The following MMP26 variants were observed in gnomAD, a reference collection of about 807,000 sequenced individuals.
MMP26 encodes the protein matrix metallopeptidase 26.
In MMP26, 33 loss-of-function variants were observed where a neutral mutation model predicts 31.0. That is an observed-to-expected ratio of 1.06 (90% CI 0.81 to 1.42). The LOEUF (loss-of-function observed/expected upper bound fraction) is 1.42, where lower values mean the gene tolerates loss of function less well. Ranked by LOEUF, MMP26 falls within the 40% of genes most tolerant of loss-of-function variation. The pLI is 0.00. For synonymous variants in MMP26, 122 were observed against 114.9 expected (o/e 1.06, Z -0.40); for missense variants, 347 against 316.1 (o/e 1.10, Z -0.74).
chr11:4,880,704 A>G (rs1296252456), intron 2 of MMP26, among the ~76,000 whole-genome samples: 1 of 152,176 alleles, frequency 6.6e-6, no homozygotes, highest in African/African-American at 2.4e-5. Flanking sequence ...TAAATTACCA[A>G]TATCAGTTGT....
intron 1 of MMP26, chr11:4,723,124 G>A (rs555279002): frequency 1.9e-6 from 3 of 1,580,174 alleles, no homozygotes; most frequent in Middle Eastern, 1.9e-4. Flanking sequence ...CCTCCAGCTC[G>A]GACAGCTTGG....
chr11:4,930,979 T>C (rs1018906754), intron 2 of MMP26, among the ~76,000 whole-genome samples: 2 of 152,002 alleles, frequency 1.3e-5, no homozygotes, highest in African/African-American at 4.8e-5. Flanking sequence ...TAAGTATAGA[T>C]ACAACTAAAG....
rs1040257037 is a variant in MMP26, at chr11:4,767,340, G to A, written c.-146G>A. The A allele has an allele frequency of 3.9e-5, 6 of 151,984 alleles. No individual in the cohort carries two copies. Among genetic ancestry groups the A allele is most frequent in the Admixed American group, 3.9e-4 (6 of 15,264 alleles). The allele number at this position is 151,984 out of a possible 1,614,324, so 9.4% of individuals were successfully genotyped here. On this transcript the variant is annotated splice_region_variant and 5_prime_UTR_variant, in exon 2 of 8. Coordinates refer to ENST00000380390, the MANE Select transcript of MMP26 (RefSeq NM_021801.5). ...CTTTCAACTCAGAAGTCAACATAAA[G>A]GGTAAAATTTTACTTTTATATTATG...
At chr11:4,923,736 G>T (rs763447642) in intron 2 of MMP26, 1 of 1,614,078 alleles carries the variant, frequency 6.2e-7, no homozygotes, top group Non-Finnish European at 8.5e-7. Flanking sequence ...ACAACAAAGA[G>T]CCCATAGATG....
chr11:4,754,461 T>G (rs1358458829), intron 1 of MMP26, among the ~76,000 whole-genome samples: 1 of 151,984 alleles, frequency 6.6e-6, no homozygotes, highest in Non-Finnish European at 1.5e-5. Flanking sequence ...TTTTTGCAAA[T>G]AGTAAATACT....
At chr11:4,733,318 C>T (rs4586155) in intron 1 of MMP26, among the ~76,000 whole-genome samples, 79,724 of 151,992 alleles carry the variant, frequency 0.52, 21,464 homozygotes, top group South Asian at 0.58. Flanking sequence ...ATTTATAACA[C>T]GTTGTTCCAA....
chr11:4,734,696 T>A (rs1848213997), intron 1 of MMP26, among the ~76,000 whole-genome samples: 1 of 151,442 alleles, frequency 6.6e-6, no homozygotes, highest in African/African-American at 2.4e-5. Flanking sequence ...AATTTGTAAA[T>A]CTTTATTGTT....
intron 2 of MMP26, among the ~76,000 whole-genome samples, chr11:4,904,291 A>G (rs1850849392): frequency 6.6e-6 from 1 of 152,106 alleles, no homozygotes; most frequent in Admixed American, 6.5e-5. Context: ...GTAAATTGCC[A>G]TGCTGAGATT....
intron 2 of MMP26, among the ~76,000 whole-genome samples, chr11:4,840,580 G>A (rs973644046): frequency 4.6e-5 from 7 of 152,302 alleles, no homozygotes; most frequent in Admixed American, 1.3e-4. Context: ...CCATCAAGGC[G>A]GTACCTCTAT....
At chr11:4,930,810 A>T (rs1191853675) in intron 2 of MMP26, among the ~76,000 whole-genome samples, 2 of 152,030 alleles carry the variant, frequency 1.3e-5, no homozygotes, top group East Asian at 3.9e-4. Flanking sequence ...TTACTGGTTA[A>T]CAAATATACT....
At position 4,768,126 on chromosome 11, in the gene MMP26, G is replaced by C. The variant is rs777539323; in HGVS notation, c.-145+785G>C. ...GTGAGTATGTTTATCTATGGGGAAA[G>C]GTCCATAAATTTCATTAGCTTTCTA... On this transcript the variant is annotated intron_variant, in intron 2 of 7. Coordinates refer to ENST00000380390, the MANE Select transcript of MMP26 (RefSeq NM_021801.5). Among the ~76,000 whole-genome samples the C allele has an allele frequency of 5.3e-5, 8 of 152,254 alleles. No homozygotes were observed. In the South Asian group the frequency reaches 1.5e-3, roughly 28 times the overall value.
intron 1 of MMP26, among the ~76,000 whole-genome samples, chr11:4,731,158 G>A (rs575694941): frequency 6.6e-6 from 1 of 152,150 alleles, no homozygotes; most frequent in South Asian, 2.1e-4. Flanking sequence ...TGGCCAGGCT[G>A]GTCTTGAACT....
intron 2 of MMP26, among the ~76,000 whole-genome samples, chr11:4,984,184 T>C (rs1218286134): frequency 1.3e-5 from 2 of 152,140 alleles, no homozygotes; most frequent in Non-Finnish European, 2.9e-5. Context: ...TCATCAAAAG[T>C]GGCAATCCAG....
intron 2 of MMP26, among the ~76,000 whole-genome samples, chr11:4,817,288 C>A (rs1463518091): frequency 6.6e-6 from 1 of 152,034 alleles, no homozygotes; most frequent in Non-Finnish European, 1.5e-5. Context: ...GAAGTAGAAT[C>A]TAAAGTTAAT....
chr11:4,836,692 C>T (rs2133485014), intron 2 of MMP26, among the ~76,000 whole-genome samples: 1 of 111,076 alleles, frequency 9.0e-6, no homozygotes, highest in East Asian at 2.8e-4. Context: ...TGGAGTCTTG[C>T]TCTGTCACCC....
At chr11:4,956,606 C>G (rs1385530480) in intron 2 of MMP26, among the ~76,000 whole-genome samples, 5 of 152,164 alleles carry the variant, frequency 3.3e-5, no homozygotes, top group Non-Finnish European at 7.4e-5. Flanking sequence ...TGAGTTGATT[C>G]TGCATTCAAG....
At chr11:4,776,856 C>G (rs747266418) in intron 2 of MMP26, among the ~76,000 whole-genome samples, 2 of 152,060 alleles carry the variant, frequency 1.3e-5, no homozygotes, top group Non-Finnish European at 2.9e-5. Context: ...TGTGAGTTCA[C>G]TAAATCTCTT....
intron 2 of MMP26, among the ~76,000 whole-genome samples, chr11:4,774,910 T>C (rs1776415663): frequency 6.6e-6 from 1 of 152,166 alleles, no homozygotes; most frequent in African/African-American, 2.4e-5. Flanking sequence ...CTTATTTTTG[T>C]CAGGATTGTT....
At chr11:4,719,022 CT>C (rs1400528215) in intron 1 of MMP26, 3 of 160,742 alleles carry the variant, frequency 1.9e-5, no homozygotes, top group African/African-American at 7.2e-5. Context: ...ATGCTTCTGT[CT>C]TAACTGATCT....
Sources: allele counts gnomAD v4.1 joint callset (sites outside exome capture counted in the v4.1 genomes callset), GRCh38; gene constraint gnomAD v4.1.1; transcripts MANE v1.5; gene names NCBI Gene and HGNC (gene_info 2026-07-23, HGNC 2026-07-21).